The following PLPP1 variants were observed in gnomAD, a reference collection of about 807,000 sequenced individuals.
The protein encoded by PLPP1 is phospholipid phosphatase 1.
Under a neutral mutation model 31.2 loss-of-function variants are expected in PLPP1, and 24 were observed. The ratio of observed to expected loss-of-function variants is 0.77; its 90% CI spans 0.56 to 1.08. The LOEUF (loss-of-function observed/expected upper bound fraction) is 1.08, where lower values mean the gene tolerates loss of function less well. Ranked by LOEUF, PLPP1 falls within the 50% of genes least tolerant of loss-of-function variation. The pLI is 0.00. For synonymous variants in PLPP1, 146 were observed against 126.3 expected (o/e 1.16, Z -1.05); for missense variants, 319 against 342.7 (o/e 0.93, Z 0.55).
At chr5:55,527,410 G>A (rs1189913102) in intron 1 of PLPP1, among the ~76,000 whole-genome samples, 1 of 152,170 alleles carries the variant, frequency 6.6e-6, no homozygotes, top group East Asian at 1.9e-4. Context: ...TTGGCATAAT[G>A]ATGATACCAC....
intron 3 of PLPP1, among the ~76,000 whole-genome samples, chr5:55,447,723 C>T (rs1751798732): frequency 6.6e-6 from 1 of 152,182 alleles, no homozygotes; most frequent in Non-Finnish European, 1.5e-5. Context: ...GTACAGTTTA[C>T]ATGTGGCAAA....
intron 3 of PLPP1, among the ~76,000 whole-genome samples, chr5:55,464,624 T>G (rs1033238731): frequency 6.6e-6 from 1 of 152,220 alleles, no homozygotes; most frequent in South Asian, 2.1e-4. Flanking sequence ...AACTGTGTTA[T>G]ATCCATACAA....
chr5:55,519,634 C>T (rs1383571783), intron 1 of PLPP1, among the ~76,000 whole-genome samples: 1 of 151,754 alleles, frequency 6.6e-6, no homozygotes, highest in Non-Finnish European at 1.5e-5. Context: ...CCTGTAATCC[C>T]AGCTACTCAG....
At chr5:55,502,378 T>G (rs1035014280) in intron 1 of PLPP1, among the ~76,000 whole-genome samples, 1 of 151,780 alleles carries the variant, frequency 6.6e-6, no homozygotes, top group Non-Finnish European at 1.5e-5. Flanking sequence ...TCCCAGCTAC[T>G]CGGAAGGCTG....
chr5:55,425,544 TC>T, intron 5 of PLPP1: 2 of 493,206 alleles, frequency 4.1e-6, no homozygotes, highest in Non-Finnish European at 6.8e-6. Flanking sequence ...GCAAATAGCT[TC>T]ATTTTGCCAA....
chr5:55,513,700 G>A (rs998823843), intron 1 of PLPP1, among the ~76,000 whole-genome samples: 11 of 152,156 alleles, frequency 7.2e-5, no homozygotes, highest in African/African-American at 2.7e-4. Context: ...AGCACTTTGG[G>A]AGGCAGAGGT....
chr5:55,530,265 T>G, intron 1 of PLPP1: 2 of 1,508,616 alleles, frequency 1.3e-6, no homozygotes, highest in Non-Finnish European at 1.8e-6. Flanking sequence ...CTGATTTAGA[T>G]GACTAACGAA....
intron 3 of PLPP1, among the ~76,000 whole-genome samples, chr5:55,456,303 G>C (rs13169448): frequency 6.6e-6 from 1 of 152,158 alleles, no homozygotes. Flanking sequence ...CTACGTGCAA[G>C]AGAGAGAATG....
chr5:55,453,649 C>CA (rs1221515805), intron 3 of PLPP1, among the ~76,000 whole-genome samples: 65 of 152,040 alleles, frequency 4.3e-4, no homozygotes, highest in African/African-American at 1.4e-3. Flanking sequence ...TTTTAAAATT[C>CA]AAGTCTTAGG....
chr5:55,447,716 C>T (rs1751798514), intron 3 of PLPP1, among the ~76,000 whole-genome samples: 1 of 152,142 alleles, frequency 6.6e-6, no homozygotes, highest in Admixed American at 6.5e-5. Context: ...TCACAAAGTA[C>T]AGTTTACATG....
chr5:55,495,683 C>T (rs932445452), intron 1 of PLPP1, among the ~76,000 whole-genome samples: 3 of 151,900 alleles, frequency 2.0e-5, no homozygotes, highest in African/African-American at 7.3e-5. Flanking sequence ...TCTAAGCATG[C>T]CTTTCTTCAA....
chr5:55,528,934 C>T (rs1486409259), intron 1 of PLPP1, among the ~76,000 whole-genome samples: 1 of 152,020 alleles, frequency 6.6e-6, no homozygotes, highest in African/African-American at 2.4e-5. Flanking sequence ...TAAGAACATA[C>T]CCAATTTTGA....
chr5:55,510,135 G>A (rs182425437), intron 1 of PLPP1, among the ~76,000 whole-genome samples: 21 of 152,032 alleles, frequency 1.4e-4, no homozygotes, highest in Non-Finnish European at 4.4e-5. Context: ...TGTTTACATG[G>A]AACTAGGGTT....
intron 1 of PLPP1, among the ~76,000 whole-genome samples, chr5:55,526,954 A>AC (rs1740472417): frequency 6.6e-6 from 1 of 150,708 alleles, no homozygotes; most frequent in South Asian, 2.1e-4. Flanking sequence ...AAAAAAAAAA[A>AC]GTTAAATAGA....
At chr5:55,431,688 C>T (rs1751354586) in intron 4 of PLPP1, among the ~76,000 whole-genome samples, 1 of 152,054 alleles carries the variant, frequency 6.6e-6, no homozygotes, top group Non-Finnish European at 1.5e-5. Flanking sequence ...AATAATCTAA[C>T]AATGCAACTC....
intron 1 of PLPP1, among the ~76,000 whole-genome samples, chr5:55,477,341 C>A (rs963633434): frequency 6.6e-6 from 1 of 151,920 alleles, no homozygotes; most frequent in Non-Finnish European, 1.5e-5. Context: ...ATACTCTAAC[C>A]CAATGAGCAA....
chr5:55,512,250 C>T (rs1203689018), intron 1 of PLPP1, among the ~76,000 whole-genome samples: 1 of 151,826 alleles, frequency 6.6e-6, no homozygotes, highest in African/African-American at 2.4e-5. Flanking sequence ...GTGGGTGGAT[C>T]ACCTGGGGTC....
chr5:55,526,539 CCTCT>C (rs1301221871), intron 1 of PLPP1, among the ~76,000 whole-genome samples: 3 of 152,010 alleles, frequency 2.0e-5, no homozygotes, highest in Non-Finnish European at 4.4e-5. Flanking sequence ...AGATTCCTTC[CCTCT>C]CTCTGTGACT....
At chr5:55,534,348 G>A (rs1358419496) in intron 1 of PLPP1, among the ~76,000 whole-genome samples, 1 of 152,176 alleles carries the variant, frequency 6.6e-6, no homozygotes. Flanking sequence ...CGTCCAAGCA[G>A]GGCTGGGCTC....
Sources: allele counts gnomAD v4.1 joint callset (sites outside exome capture counted in the v4.1 genomes callset), GRCh38; gene constraint gnomAD v4.1.1; transcripts MANE v1.5; gene names NCBI Gene and HGNC (gene_info 2026-07-23, HGNC 2026-07-21).